The following GAPDHS variants were observed in gnomAD, a reference collection of about 807,000 sequenced individuals.
The protein encoded by GAPDHS is glyceraldehyde-3-phosphate dehydrogenase, testis-specific.
In GAPDHS, 42 loss-of-function variants were observed where a neutral mutation model predicts 48.7. The observed-to-expected ratio is 0.86, with a 90% CI of 0.67 to 1.12. The LOEUF (loss-of-function observed/expected upper bound fraction) is 1.12, where lower values mean the gene tolerates loss of function less well. Ranked by LOEUF, GAPDHS falls within the 50% of genes most tolerant of loss-of-function variation. GAPDHS has a pLI of 0.00. For missense variants in GAPDHS, 512 were observed against 557.7 expected (o/e 0.92, Z 0.82); for synonymous variants, 166 against 219.1 (o/e 0.76, Z 2.14).
At chr19:35,542,904 G>T in intron 6 of GAPDHS, 41 bp from the exon 7 acceptor site, 3 of 1,503,716 alleles carry the variant, frequency 2.0e-6, no homozygotes, top group Non-Finnish European at 2.8e-6. Context: ...GTGGCTCTGC[G>T]ACTCACCTCA....
intron 4 of GAPDHS, 116 bp from the exon 5 acceptor site, chr19:35,542,203 G>A (rs764476068): frequency 1.2e-4 from 86 of 696,726 alleles, no homozygotes; most frequent in Admixed American, 6.6e-4. Flanking sequence ...GGTAGGGGAC[G>A]CAGGTGGTTG....
At chr19:35,543,618 C>A in intron 8 of GAPDHS, 47 bp from the exon 9 acceptor site, 1 of 1,597,644 alleles carries the variant, frequency 6.3e-7, no homozygotes, top group South Asian at 1.1e-5. Context: ...GAATGGAGGG[C>A]AACGTCCCTA....
In GAPDHS at chr19:35,545,246, C is replaced by G; in HGVS notation, c.*76C>G. The G allele has an allele frequency of 7.8e-7, 1 of 1,284,104 alleles. No individual in the cohort carries two copies. Among genetic ancestry groups the G allele is most frequent in the Non-Finnish European group, 1.1e-6 (1 of 881,486 alleles). The allele number at this position is 1,284,104 out of a possible 1,614,324, so 79.5% of individuals were successfully genotyped here. ...CCTCCCGTTCCAGCATCTGGCTGCC[C>G]GGGGGAGGAAGGACACCCGGGGCGG... On this transcript the variant is annotated 3_prime_UTR_variant, in exon 11 of 11. Transcript: ENST00000222286.
Position 35,533,539 on chromosome 19 carries a change from C to T in GAPDHS, c.12C>T (p.Arg4=), listed in dbSNP as rs567628466. MSK[R]DIVLTNVTVV... is the part of the protein sequence containing the mutation. ...CCTTATAAGAGGCCATGTCGAAGCGCGACATCGTCCTCACCAATGTCACCG... is the reference window on the plus strand; with the variant it reads ...CCTTATAAGAGGCCATGTCGAAGCGTGACATCGTCCTCACCAATGTCACCG... The change falls in exon 1 of 11, where the codon CGC becomes CGT. Residue 4 remains arginine, a synonymous_variant. Transcript: ENST00000222286. 6.2e-7 allele frequency: 1 copy of T among 1,613,504 alleles called. No homozygotes were observed. Among genetic ancestry groups the T allele is most frequent in the Non-Finnish European group, 8.5e-7 (1 of 1,179,838 alleles).
At chr19:35,544,321 A>C (rs1412281979) in intron 9 of GAPDHS, 1 of 165,676 alleles carries the variant, frequency 6.0e-6, no homozygotes, top group Non-Finnish European at 1.3e-5. Context: ...CTCTGTGAGG[A>C]GTGGATGCCA....
chr19:35,544,209 C>T (rs1444872829), intron 9 of GAPDHS: 9 of 188,034 alleles, frequency 4.8e-5, no homozygotes, highest in Non-Finnish European at 4.4e-5. Flanking sequence ...GTGGCTCCAA[C>T]CTGGCATACA....
At chr19:35,542,113 G>A in intron 4 of GAPDHS, 1 of 586,930 alleles carries the variant, frequency 1.7e-6, no homozygotes, top group Non-Finnish European at 3.1e-6. Flanking sequence ...AATCAGCAAA[G>A]GGAAAGTGGT....
At chr19:35,534,531 T>C (rs1441293947) in intron 1 of GAPDHS, among the ~76,000 whole-genome samples, 2 of 151,944 alleles carry the variant, frequency 1.3e-5, no homozygotes, top group African/African-American at 4.8e-5. Context: ...CCCCCAGGCT[T>C]TTCTCCAACC....
chr19:35,536,564 A>G (rs1402089427), intron 1 of GAPDHS, among the ~76,000 whole-genome samples: 1 of 151,858 alleles, frequency 6.6e-6, no homozygotes, highest in African/African-American at 2.4e-5. Flanking sequence ...TGACAGAGCA[A>G]TACTCTGTCT....
chr19:35,539,140 T>TC (rs2071484865), intron 4 of GAPDHS, among the ~76,000 whole-genome samples: 1 of 152,118 alleles, frequency 6.6e-6, no homozygotes, highest in African/African-American at 2.4e-5. Context: ...CAAGCAATCC[T>TC]CCCACCTTGG....
chr19:35,544,513 C>G, intron 9 of GAPDHS: 1 of 211,966 alleles, frequency 4.7e-6, no homozygotes, highest in Non-Finnish European at 9.6e-6. Context: ...ACCCTCAGGT[C>G]CTCCCTTCCT....
At chr19:35,539,746 G>A (rs916554447) in intron 4 of GAPDHS, among the ~76,000 whole-genome samples, 3 of 152,170 alleles carry the variant, frequency 2.0e-5, no homozygotes, top group South Asian at 2.1e-4. Flanking sequence ...AGGGGGCAGA[G>A]ACTGGAGAGT....
chr19:35,542,227 A>G, intron 4 of GAPDHS, 92 bp from the exon 5 acceptor site: 2 of 864,700 alleles, frequency 2.3e-6, no homozygotes, highest in South Asian at 2.8e-5. Context: ...GTGGGCCGGT[A>G]CCTGCTCAGC....
At chr19:35,542,712 C>T in intron 6 of GAPDHS, 104 bp downstream of exon 6, 1 of 860,082 alleles carries the variant, frequency 1.2e-6, no homozygotes, top group Non-Finnish European at 1.9e-6. Context: ...TCTGCTTCTC[C>T]TTCCCGAAAC....
In GAPDHS at chr19:35,543,032, T is replaced by A. The variant is rs1014792787; in HGVS notation, c.741+6T>A. 53 of 1,605,218 alleles carry A rather than the reference T, an allele frequency of 3.3e-5. No homozygotes were observed. The highest frequency in any genetic ancestry group is 4.4e-5 in the Non-Finnish European group (51 of 1,172,150). On this transcript the variant is annotated splice_donor_region_variant and intron_variant, in intron 7 of 10. Transcript: ENST00000222286. ...GGATCGTGGAAGGGTTGATGGTGAG[T>A]TGAGGATGAGGGGCTGGGGCAGGAA...
At chr19:35,534,480 T>C (rs1428613045) in intron 1 of GAPDHS, among the ~76,000 whole-genome samples, 1 of 152,164 alleles carries the variant, frequency 6.6e-6, no homozygotes, top group East Asian at 1.9e-4. Flanking sequence ...CGGGATTCAG[T>C]GGGAGGACGC....
Position 35,544,892 on chromosome 19 carries a change from G to A in GAPDHS, c.1057-17G>A. 1 of 1,551,542 alleles carries A rather than the reference G, an allele frequency of 6.4e-7. No individual in the cohort carries two copies. The highest frequency in any genetic ancestry group is 8.9e-7 in the Non-Finnish European group (1 of 1,122,768). On this transcript the variant is annotated splice_polypyrimidine_tract_variant and intron_variant, in intron 9 of 10. Transcript: ENST00000222286. ...TGCTCTGCCGGACACACTTATCTTT[G>A]AAATTCTGACTTCCAGGTCGTCTCT...
rs762949090 is a variant in GAPDHS, at chr19:35,538,591, G to T, written c.357G>T (p.Lys119Asn). Reference protein sequence around the residue: ...IDPEYMVYMFKYDSTHGRYKG... With the variant: ...IDPEYMVYMFNYDSTHGRYKG... ...ATCCCCCACAGGTGTACATGTTTAA[G>T]TATGACTCCACCCACGGCCGATACA... Residue 119 changes from lysine to asparagine, a missense_variant, in exon 4 of 11, where the codon AAG (lysine) becomes AAT (asparagine). Transcript: ENST00000222286. 6.8e-6 allele frequency: 11 copies of T among 1,607,282 alleles called. No homozygotes were observed. Among genetic ancestry groups the T allele is most frequent in the Non-Finnish European group, 9.4e-6 (11 of 1,173,992 alleles).
intron 7 of GAPDHS, 42 bp downstream of exon 7, chr19:35,543,068 G>A (rs749949774): frequency 4.8e-6 from 7 of 1,454,628 alleles, no homozygotes; most frequent in Non-Finnish European, 5.8e-6. Flanking sequence ...GGATGGCAGG[G>A]AAACCCAACT....
Sources: gnomAD v4.1 joint callset for allele counts (sites outside exome capture counted in the v4.1 genomes callset) on GRCh38, gnomAD v4.1.1 for gene constraint, MANE v1.5 for transcripts, NCBI Gene and HGNC (gene_info 2026-07-23, HGNC 2026-07-21) for gene names.